Variants in ZNF134 observed in about 807,000 individuals in gnomAD.
ZNF134 encodes zinc finger protein 134, also known as zinc finger protein 134 (clone pHZ-15).
Under a neutral mutation model 2.5 loss-of-function variants are expected in ZNF134, and 5 were observed. The observed-to-expected ratio is 2.03, with a 90% CI of 1.06 to 4.27. ZNF134 has a LOEUF of 4.27. ZNF134 is among the 30% of genes most tolerant of loss of function. The pLI is 0.00. For synonymous variants in ZNF134, 176 were observed against 176.2 expected (o/e 1.00, Z 0.01); for missense variants, 540 against 517.5 (o/e 1.04, Z -0.42).
rs1981250218 is a variant in ZNF134, at chr19:57,622,347, G to T, written c.*944G>T. ...GCCTGAATCTGTTTCACAGGCCACT[G>T]TTGGTAAGATCTAAAGCATCCAGTA... On this transcript the variant is annotated 3_prime_UTR_variant, in exon 3 of 3. Coordinates refer to ENST00000396161, the MANE Select transcript of ZNF134 (RefSeq NM_003435.5). 1 of 152,238 alleles carries T rather than the reference G, an allele frequency of 6.6e-6. No homozygotes were observed. Among genetic ancestry groups the T allele is most frequent in the Admixed American group, 6.5e-5 (1 of 15,284 alleles). 9.4% of individuals were successfully genotyped at this position (152,238 alleles called of 1,614,324 possible).
At position 57,621,042 on chromosome 19, in the gene ZNF134, G is replaced by A. The variant is rs1486244218; in HGVS notation, c.923G>A (p.Ser308Asn). The A allele has an allele frequency of 8.1e-6, 13 of 1,614,116 alleles. No homozygotes were observed. Among genetic ancestry groups the A allele is most frequent in the South Asian group, 3.3e-5 (3 of 91,092 alleles). ...AAATCTACACTTGTTCAGCATGAGA[G>A]TATTCACACTGGAGAAAATCCTTAT... ...RHKSTLVQHE[S>N]IHTGENPYDC... Residue 308 changes from serine (S) to asparagine (N), a missense_variant, in exon 3 of 3, where the codon AGT (serine) becomes AAT (asparagine). Ser to Asn is a conservative substitution (Grantham distance 46, BLOSUM62 1). Transcript: ENST00000396161.
At chr19:57,618,135 G>T (rs147549280) in intron 1 of ZNF134, among the ~76,000 whole-genome samples, 96 of 152,302 alleles carry the variant, frequency 6.3e-4, no homozygotes, top group African/African-American at 2.1e-3. Flanking sequence ...ACTGACCTCA[G>T]TAGTACAACA....
In ZNF134 at chr19:57,621,001, G is replaced by A. The variant is rs141252431; in HGVS notation, c.882G>A (p.Gly294=). 2.0e-4 allele frequency: 322 copies of A among 1,614,196 alleles called. 1 individual carries two copies. In the African/African-American group the frequency reaches 4.0e-3, roughly 20 times the overall value. ...GGCCTTATAAGTGCAGTGATTGTGGGAAAGTCTTCAGACACAAATCTACAC... is the reference window on the plus strand; with the variant it reads ...GGCCTTATAAGTGCAGTGATTGTGGAAAAGTCTTCAGACACAAATCTACAC... ...GARPYKCSDC[G]KVFRHKSTLV... The change falls in exon 3 of 3, where the codon GGG becomes GGA. Residue 294 remains glycine, a synonymous_variant. Coordinates refer to ENST00000396161, the MANE Select transcript of ZNF134 (RefSeq NM_003435.5).
At position 57,620,616 on chromosome 19, in the gene ZNF134, G is replaced by T. The variant is rs376324721; in HGVS notation, c.497G>T (p.Gly166Val). The part of the protein sequence containing the change: ...KRKTHRSTES[G>V]DAFHGEQMHY... ...AAGACACACAGGAGCACTGAGAGTG[G>T]GGATGCATTTCATGGTGAACAAATG... The change falls in exon 3 of 3, where the codon GGG becomes GTG. Residue 166 changes from glycine to valine, a missense_variant. By Grantham distance (109) the Gly-to-Val change is moderately radical (BLOSUM62 -3). Transcript: ENST00000396161. 155 of 1,614,200 alleles carry T rather than the reference G, an allele frequency of 9.6e-5. No individual in the cohort carries two copies. Among genetic ancestry groups the T allele is most frequent in the Non-Finnish European group, 1.3e-4 (152 of 1,180,044 alleles).
chr19:57,624,063 G>A lies in ZNF134; in HGVS notation c.*2660G>A, dbSNP rs1328204312. ...TTCATGAGAAAGGAAGGATGACTCA[G>A]AGCAGAGGAGAGTCCAGTGGGCAGA... On this transcript the variant is annotated 3_prime_UTR_variant, in exon 3 of 3. Transcript: ENST00000396161. The A allele has an allele frequency of 6.6e-6, 1 of 152,220 alleles. No homozygotes were observed. Among genetic ancestry groups the A allele is most frequent in the East Asian group, 1.9e-4 (1 of 5,200 alleles). The allele number at this position is 152,220 out of a possible 1,614,324, so 9.4% of individuals were successfully genotyped here. A position where few individuals can be genotyped will look rare whatever the true frequency, so the allele number is the denominator to read the frequency against.
In ZNF134 at chr19:57,620,174, G is replaced by A; in HGVS notation, c.55G>A (p.Val19Met). 12 of 1,611,744 alleles carry A rather than the reference G, an allele frequency of 7.4e-6. No individual in the cohort carries two copies. Among genetic ancestry groups the A allele is most frequent in the Non-Finnish European group, 1.0e-5 (12 of 1,178,166 alleles). The change falls in exon 3 of 3, where the codon GTG becomes ATG. Residue 19 changes from valine to methionine, a missense_variant. Physicochemically the swap from Val to Met is conservative, Grantham distance 21. Coordinates refer to ENST00000396161, the MANE Select transcript of ZNF134 (RefSeq NM_003435.5). ...TCTGCCTTCAGGTTGTTGGCATGAA[G>A]TGAAGGATGAAGAGTCATCTTCTGA... is the stretch of plus-strand genomic sequence containing the variant. Reference protein sequence around the residue: ...AWTGPGCWHEVKDEESSSEQS... With the variant: ...AWTGPGCWHEMKDEESSSEQS...
Position 57,620,868 on chromosome 19 carries a change from A to C in ZNF134, c.749A>C (p.His250Pro), listed in dbSNP as rs1981193278. Residue 250 changes from histidine (H) to proline (P), a missense_variant, in exon 3 of 3, where the codon CAC becomes CCC. Transcript: ENST00000396161. ...TFSRKDNLTQHKRIHTGEMPY... is the reference protein window; with the variant it reads ...TFSRKDNLTQPKRIHTGEMPY... ...AGTCGAAAAGACAACCTTACTCAGCACAAGAGAATCCACACTGGAGAAATG... is the reference window on the plus strand; with the variant it reads ...AGTCGAAAAGACAACCTTACTCAGCCCAAGAGAATCCACACTGGAGAAATG... The C allele has an allele frequency of 6.2e-7, 1 of 1,614,098 alleles. No individual in the cohort carries two copies.
chr19:57,620,873 A>G lies in ZNF134; in HGVS notation c.754A>G (p.Arg252Gly), dbSNP rs1193321761. The G allele has an allele frequency of 6.2e-7, 1 of 1,614,226 alleles. No individual in the cohort carries two copies. Among genetic ancestry groups the G allele is most frequent in the South Asian group, 1.1e-5 (1 of 91,092 alleles). The change falls in exon 3 of 3, where the codon AGA (arginine) becomes GGA (glycine). Residue 252 changes from arginine (R) to glycine (G), a missense_variant. Arg to Gly is a moderately radical substitution (Grantham distance 125). Coordinates refer to ENST00000396161, the MANE Select transcript of ZNF134 (RefSeq NM_003435.5). ...SRKDNLTQHKRIHTGEMPYKC... is the reference protein window; with the variant it reads ...SRKDNLTQHKGIHTGEMPYKC... Reference sequence around the variant, plus strand: ...AAAAGACAACCTTACTCAGCACAAGAGAATCCACACTGGAGAAATGCCTTA... The same window carrying G: ...AAAAGACAACCTTACTCAGCACAAGGGAATCCACACTGGAGAAATGCCTTA...
In ZNF134 at chr19:57,620,590, G is replaced by A; in HGVS notation, c.471G>A (p.Arg157=). Residue 157 remains arginine (R), a synonymous_variant, in exon 3 of 3, where the codon AGG becomes AGA. Coordinates refer to ENST00000396161, the MANE Select transcript of ZNF134 (RefSeq NM_003435.5). ...AACAAAAGGCCATCCACAGTAAGAG[G>A]AAGACACACAGGAGCACTGAGAGTG... ...GCQQKAIHSK[R]KTHRSTESGD... 2 of 1,614,214 alleles carry A rather than the reference G, an allele frequency of 1.2e-6. No individual in the cohort carries two copies. The highest frequency in any genetic ancestry group is 1.7e-6 in the Non-Finnish European group (2 of 1,180,040).
At chr19:57,618,225 G>T (rs1242474692) in intron 1 of ZNF134, among the ~76,000 whole-genome samples, 1 of 152,196 alleles carries the variant, frequency 6.6e-6, no homozygotes, top group Non-Finnish European at 1.5e-5. Flanking sequence ...AATAGAGCCA[G>T]GAGGGGAAGA....
At chr19:57,617,622 A>T (rs901351971) in intron 1 of ZNF134, among the ~76,000 whole-genome samples, 3 of 152,138 alleles carry the variant, frequency 2.0e-5, no homozygotes, top group Non-Finnish European at 4.4e-5. Context: ...GGACACAGAG[A>T]TCTGAAGTTC....
Position 57,621,108 on chromosome 19 carries a change from C to T in ZNF134, c.989C>T (p.Thr330Ile). 1 of 1,614,180 alleles carries T rather than the reference C, an allele frequency of 6.2e-7. No homozygotes were observed. The highest frequency in any genetic ancestry group is 8.5e-7 in the Non-Finnish European group (1 of 1,180,038). Residue 330 changes from threonine (T) to isoleucine (I), a missense_variant, in exon 3 of 3, where the codon ACC (threonine) becomes ATC (isoleucine). Thr to Ile is a moderately conservative substitution (Grantham distance 89, BLOSUM62 -1). Transcript: ENST00000396161. ...GGGAAATCCTTTGGCCACAAATACA[C>T]CCTCATTAAACATCAGCGAATTCAC... is the stretch of plus-strand genomic sequence containing the variant. ...DCGKSFGHKY[T>I]LIKHQRIHTE...
intron 1 of ZNF134, among the ~76,000 whole-genome samples, chr19:57,619,165 A>G (rs191153603): frequency 6.6e-6 from 1 of 152,218 alleles, no homozygotes; most frequent in East Asian, 1.9e-4. Context: ...GTGACTGTCC[A>G]CACTCATGAC....
At chr19:57,619,543 G>A in intron 2 of ZNF134, 35 bp downstream of exon 2, 2 of 1,570,416 alleles carry the variant, frequency 1.3e-6, no homozygotes, top group Non-Finnish European at 1.7e-6. Flanking sequence ...TAACCTCAGG[G>A]CTGGGTTCCT....
Position 57,622,704 on chromosome 19 carries a change from A to T in ZNF134, c.*1301A>T, listed in dbSNP as rs1172608116. 2 of 151,624 alleles carry T rather than the reference A, an allele frequency of 1.3e-5. No homozygotes were observed. The highest frequency in any genetic ancestry group is 2.9e-5 in the Non-Finnish European group (2 of 67,912). The allele number at this position is 151,624 out of a possible 1,614,324, so 9.4% of individuals were successfully genotyped here. On this transcript the variant is annotated 3_prime_UTR_variant, in exon 3 of 3. Coordinates refer to ENST00000396161, the MANE Select transcript of ZNF134 (RefSeq NM_003435.5). ...TTGTGACCAGCTGGAGTTTCTGGTG[A>T]CTCTTTTGGCAATGGTCCTCATTGT...
intron 1 of ZNF134, among the ~76,000 whole-genome samples, chr19:57,617,222 G>A (rs1040288075): frequency 2.6e-5 from 4 of 152,144 alleles, no homozygotes; most frequent in African/African-American, 9.7e-5. Flanking sequence ...GGAGTGATCT[G>A]ACTTTGGTCT....
In ZNF134 at chr19:57,614,309, C is replaced by G. The variant is rs1599942874; in HGVS notation, c.-252C>G. On this transcript the variant is annotated 5_prime_UTR_variant, in exon 1 of 3. Transcript: ENST00000396161. ...AGAAGCTCGGGGTTGCTGGGCGGTT[C>G]CGAGGTGACGGAAGCGGGAGGGTGC... The G allele has an allele frequency of 2.2e-6, 1 of 453,304 alleles. No homozygotes were observed. The highest frequency in any genetic ancestry group is 7.1e-5 in the East Asian group (1 of 14,046). The allele number at this position is 453,304 out of a possible 1,614,324, so 28.1% of individuals were successfully genotyped here.
rs752620866 is a variant in ZNF134 at position 57,621,335 on chromosome 19, G to A, written c.1216G>A (p.Gly406Arg). ...GERPYECSECGKAYSLSSHLN... is the reference protein window; with the variant it reads ...GERPYECSECRKAYSLSSHLN... Reference sequence around the variant, plus strand: ...AAGGCCATATGAGTGCAGTGAATGTGGGAAGGCCTACAGCTTAAGCTCCCA... The same window carrying A: ...AAGGCCATATGAGTGCAGTGAATGTAGGAAGGCCTACAGCTTAAGCTCCCA... The change falls in exon 3 of 3, where the codon GGG (glycine) becomes AGG (arginine). Residue 406 changes from glycine (G) to arginine (R), a missense_variant. Physicochemically the swap from Gly to Arg is moderately radical, Grantham distance 125. Coordinates refer to ENST00000396161, the MANE Select transcript of ZNF134 (RefSeq NM_003435.5). 3 of 1,614,142 alleles carry A rather than the reference G, an allele frequency of 1.9e-6. No homozygotes were observed. The highest frequency in any genetic ancestry group is 2.2e-5 in the South Asian group (2 of 91,084).
At position 57,619,038 on chromosome 19, in the gene ZNF134, C is replaced by T. The variant is rs577779192; in HGVS notation, c.-57-374C>T. Among the ~76,000 whole-genome samples the T allele has an allele frequency of 2.8e-4, 42 of 152,230 alleles. No individual in the cohort carries two copies. The East Asian group carries it at 4.2e-3, about 15-fold the overall frequency. Reference sequence around the variant, plus strand: ...GCCTAGGCTCAGCTAGATGCATTGGCCCCTCTCTTCCCTGTGTTCCTCAAC... The same window carrying T: ...GCCTAGGCTCAGCTAGATGCATTGGTCCCTCTCTTCCCTGTGTTCCTCAAC... On this transcript the variant is annotated intron_variant, in intron 1 of 2. Transcript: ENST00000396161.
Sources: gnomAD v4.1 joint callset for allele counts (sites outside exome capture counted in the v4.1 genomes callset) on GRCh38, gnomAD v4.1.1 for gene constraint, MANE v1.5 for transcripts, NCBI Gene and HGNC (gene_info 2026-07-23, HGNC 2026-07-21) for gene names.